RELN: variants seen among roughly 807,000 people sequenced by gnomAD.
RELN encodes the protein reelin.
Under a neutral mutation model 427.6 loss-of-function variants are expected in RELN, and 108 were observed. The ratio of observed to expected loss-of-function variants is 0.25; its 90% CI spans 0.22 to 0.30. RELN has a LOEUF of 0.30. Ranked by LOEUF, RELN falls within the 10% of genes least tolerant of loss-of-function variation. The pLI is 1.00. For missense variants in RELN, 3,715 were observed against 4,302.8 expected (o/e 0.86, Z 3.82); for synonymous variants, 1,524 against 1,513.4 (o/e 1.01, Z -0.16).
At chr7:103,741,515 A>G (rs915688613) in intron 6 of RELN, among the ~76,000 whole-genome samples, 5 of 152,018 alleles carry the variant, frequency 3.3e-5, no homozygotes, top group Admixed American at 1.3e-4. Flanking sequence ...CTTAGAAGGG[A>G]TAGTCTAATG....
intron 31 of RELN, among the ~76,000 whole-genome samples, chr7:103,570,091 G>T: frequency 6.6e-6 from 1 of 152,170 alleles, no homozygotes; most frequent in East Asian, 1.9e-4. Context: ...ATGCCTGTGG[G>T]ATGTGAATTA....
At chr7:103,857,523 G>A (rs779461601) in intron 2 of RELN, among the ~76,000 whole-genome samples, 1 of 152,202 alleles carries the variant, frequency 6.6e-6, no homozygotes, top group Non-Finnish European at 1.5e-5. Flanking sequence ...CAAGGAACAG[G>A]ATATGCACAC....
intron 8 of RELN, among the ~76,000 whole-genome samples, chr7:103,702,784 GATTAGTC>G: frequency 6.6e-6 from 1 of 152,148 alleles, no homozygotes; most frequent in East Asian, 1.9e-4. Context: ...CTGCAATAGT[GATTAGTC>G]AGTCTCCCTG....
intron 2 of RELN, among the ~76,000 whole-genome samples, chr7:103,886,336 T>C (rs1464633954): frequency 6.6e-6 from 1 of 152,214 alleles, no homozygotes; most frequent in Admixed American, 6.5e-5. Flanking sequence ...TTTTTTTCTT[T>C]ATGCATCAAA....
At chr7:103,758,855 T>A (rs1016669592) in intron 4 of RELN, among the ~76,000 whole-genome samples, 1 of 151,752 alleles carries the variant, frequency 6.6e-6, no homozygotes, top group African/African-American at 2.4e-5. Context: ...ATCCAGATGA[T>A]GTTTTGGCAA....
intron 38 of RELN, 146 bp downstream of exon 38, chr7:103,556,831 C>A: frequency 1.3e-6 from 1 of 767,438 alleles, no homozygotes; most frequent in South Asian, 1.5e-5. Flanking sequence ...CGGACTAATA[C>A]ATTTGTCAAA....
chr7:103,894,124 T>C (rs1299076816), intron 2 of RELN, among the ~76,000 whole-genome samples: 1 of 152,202 alleles, frequency 6.6e-6, no homozygotes, highest in Non-Finnish European at 1.5e-5. Context: ...TTTTCTTTTA[T>C]TTCAAGAGAA....
rs367903638 is a variant in RELN at position 103,664,525 on chromosome 7, A to T, written c.1290-2998T>A. Among the ~76,000 whole-genome samples the T allele has an allele frequency of 2.0e-5, 3 of 152,344 alleles. 1 individual carries two copies. The highest frequency in any genetic ancestry group is 6.5e-5 in the Admixed American group (1 of 15,298). ...AGAAAGGCTGGTAGAGTATATATCT[A>T]GAAGTGGAGTTGCTGGGCAACGTGG... On this transcript the variant is annotated intron_variant, in intron 11 of 64. Coordinates refer to ENST00000428762, the MANE Select transcript of RELN (RefSeq NM_005045.4).
chr7:103,556,173 C>T (rs187698517), intron 38 of RELN, among the ~76,000 whole-genome samples: 1 of 152,262 alleles, frequency 6.6e-6, no homozygotes, highest in Non-Finnish European at 1.5e-5. Flanking sequence ...TTATCTACGG[C>T]ACTATCTGCT....
chr7:103,676,955 G>C (rs928570660), intron 11 of RELN, among the ~76,000 whole-genome samples: 1 of 151,810 alleles, frequency 6.6e-6, no homozygotes, highest in African/African-American at 2.4e-5. Flanking sequence ...GAGTTAATGG[G>C]TGCAGCACAC....
chr7:103,948,478 T>C (rs1796263655), intron 1 of RELN, among the ~76,000 whole-genome samples: 2 of 152,050 alleles, frequency 1.3e-5, no homozygotes, highest in Admixed American at 6.6e-5. Flanking sequence ...ATGGAGACCA[T>C]CCTGGCCAAC....
chr7:103,811,526 T>A (rs575704640), intron 3 of RELN, among the ~76,000 whole-genome samples: 1 of 152,138 alleles, frequency 6.6e-6, no homozygotes, highest in African/African-American at 2.4e-5. Flanking sequence ...ATTGATGAGA[T>A]AGCCTGCACA....
rs150584683 is a variant in RELN, at chr7:103,582,912, T to C, written c.4145+6684A>G. Among the ~76,000 whole-genome samples, 1,519 of 152,280 alleles carry C rather than the reference T, an allele frequency of 1.0e-2. 9 individuals are homozygous for C. The highest frequency in any genetic ancestry group is 0.017 in the Non-Finnish European group (1,170 of 68,020). On this transcript the variant is annotated intron_variant, in intron 28 of 64. Coordinates refer to ENST00000428762, the MANE Select transcript of RELN (RefSeq NM_005045.4). ...TTTCTTGCTTATTTTATATGTCCAG[T>C]GTAGGTTGGCAAGGGAGTCTGCTTA... is the stretch of plus-strand genomic sequence containing the variant.
intron 6 of RELN, among the ~76,000 whole-genome samples, chr7:103,740,705 G>A (rs1274823886): frequency 1.3e-5 from 2 of 152,094 alleles, no homozygotes; most frequent in Non-Finnish European, 2.9e-5. Flanking sequence ...GAATTCATTA[G>A]GTGAAGTTAA....
At chr7:103,896,736 G>A (rs1229088737) in intron 2 of RELN, among the ~76,000 whole-genome samples, 1 of 151,972 alleles carries the variant, frequency 6.6e-6, no homozygotes, top group Non-Finnish European at 1.5e-5. Flanking sequence ...CATATCATTG[G>A]ATACAAACTT....
intron 17 of RELN, among the ~76,000 whole-genome samples, chr7:103,639,061 T>G (rs1017914232): frequency 2.6e-5 from 4 of 152,208 alleles, no homozygotes; most frequent in African/African-American, 4.8e-5. Flanking sequence ...CATGTTAATT[T>G]TATTTGAAAT....
chr7:103,923,631 G>T (rs1368985282), intron 1 of RELN, among the ~76,000 whole-genome samples: 1 of 152,168 alleles, frequency 6.6e-6, no homozygotes, highest in Non-Finnish European at 1.5e-5. Context: ...TTTGTGAGGG[G>T]TAGAGAGAGA....
At chr7:103,618,945 T>A (rs1033802870) in intron 20 of RELN, among the ~76,000 whole-genome samples, 1 of 151,946 alleles carries the variant, frequency 6.6e-6, no homozygotes, top group Non-Finnish European at 1.5e-5. Flanking sequence ...ACCCAGTCTC[T>A]ACTAAAAACA....
chr7:103,916,289 T>C (rs1795480122), intron 2 of RELN, among the ~76,000 whole-genome samples: 1 of 152,238 alleles, frequency 6.6e-6, no homozygotes, highest in African/African-American at 2.4e-5. Context: ...CACATAACTT[T>C]GTGTCTGATA....
Sources: allele counts gnomAD v4.1 joint callset (sites outside exome capture counted in the v4.1 genomes callset), GRCh38; gene constraint gnomAD v4.1.1; transcripts MANE v1.5; gene names NCBI Gene and HGNC (gene_info 2026-07-23, HGNC 2026-07-21).